Variants in USP32 observed in about 807,000 individuals in gnomAD.
USP32 encodes the protein ubiquitin carboxyl-terminal hydrolase 32.
A neutral mutation model predicts 204.8 loss-of-function variants in USP32; 59 were observed. The observed-to-expected ratio is 0.29, with a 90% CI of 0.23 to 0.36. The LOEUF is 0.36. Ranked by LOEUF, USP32 falls within the 10% of genes least tolerant of loss-of-function variation. USP32 has a pLI of 1.00. For missense variants in USP32, 1,160 were observed against 1,946.4 expected (o/e 0.60, Z 7.60); for synonymous variants, 517 against 678.4 (o/e 0.76, Z 3.70).
At chr17:60,198,850 A>G (rs2084595906) in intron 26 of USP32, among the ~76,000 whole-genome samples, 1 of 152,218 alleles carries the variant, frequency 6.6e-6, no homozygotes, top group African/African-American at 2.4e-5. Flanking sequence ...GTGGTGGCTC[A>G]CGCCTGTAAT....
At chr17:60,250,690 C>T (rs1427491633) in intron 11 of USP32, among the ~76,000 whole-genome samples, 1 of 152,004 alleles carries the variant, frequency 6.6e-6, no homozygotes, top group Non-Finnish European at 1.5e-5. Flanking sequence ...TGGTGTACAC[C>T]TGTAATCCCA....
chr17:60,181,474 T>C lies in USP32; in HGVS notation c.4398A>G (p.Val1466=). ...PELVTPQDHE[V]ALANGFLYEH... ...CATAAAGGAATCCATTGGCCAAAGCTACCTCATGGTCCTGAGGAGTGACCA... is the reference window on the plus strand; with the variant it reads ...CATAAAGGAATCCATTGGCCAAAGCCACCTCATGGTCCTGAGGAGTGACCA... The change falls in exon 32 of 34, where the codon GTA becomes GTG. Residue 1466 remains valine (V), a synonymous_variant. Coordinates refer to ENST00000300896, the MANE Select transcript of USP32 (RefSeq NM_032582.4). 1 of 1,614,028 alleles carries C rather than the reference T, an allele frequency of 6.2e-7. No individual in the cohort carries two copies. The highest frequency in any genetic ancestry group is 1.1e-5 in the South Asian group (1 of 91,076).
At chr17:60,351,125 T>TC (rs1243929582) in intron 1 of USP32, among the ~76,000 whole-genome samples, 1 of 151,790 alleles carries the variant, frequency 6.6e-6, no homozygotes, top group African/African-American at 2.4e-5. Context: ...ACCACAAAAG[T>TC]CAGGGGGGTA....
rs1322349666 is a variant in USP32, at chr17:60,298,521, TA to T, written c.292+3077del. On this transcript the variant is annotated intron_variant, in intron 3 of 33. Transcript: ENST00000300896. ...ATGTGAATACTATGTAAATAGTTGT[TA>T]TAGTGTATTGTTTCTTATTTGTATT... Among the ~76,000 whole-genome samples, 7 of 152,306 alleles carry T rather than the reference TA, an allele frequency of 4.6e-5. No homozygotes were observed. In the South Asian group the frequency reaches 1.5e-3, roughly 32 times the overall value.
At chr17:60,403,640 G>A (rs1050584432) in intron 1 of USP32, among the ~76,000 whole-genome samples, 1 of 151,814 alleles carries the variant, frequency 6.6e-6, no homozygotes. Context: ...AGTATACAAT[G>A]AGTTTATTTA....
intron 9 of USP32, 41 bp from the exon 10 acceptor site, chr17:60,255,299 T>C (rs946678455): frequency 2.0e-5 from 5 of 255,030 alleles, no homozygotes; most frequent in South Asian, 1.7e-4. Context: ...CTTTTTTTTC[T>C]TTTTTTTTTT....
chr17:60,234,275 G>A (rs990218410), intron 12 of USP32, among the ~76,000 whole-genome samples: 36 of 151,302 alleles, frequency 2.4e-4, no homozygotes, highest in African/African-American at 8.7e-4. Flanking sequence ...CACCATGCCC[G>A]GCTAATTTGT....
chr17:60,418,110 T>C (rs751896184), intron 1 of USP32, among the ~76,000 whole-genome samples: 6 of 152,046 alleles, frequency 3.9e-5, no homozygotes, highest in Non-Finnish European at 7.4e-5. Flanking sequence ...AGGCATGTGC[T>C]ACCACGCCCA....
intron 11 of USP32, among the ~76,000 whole-genome samples, chr17:60,241,030 C>A (rs1275370827): frequency 2.0e-5 from 3 of 152,162 alleles, no homozygotes; most frequent in Admixed American, 2.0e-4. Context: ...CAGAGTCTTG[C>A]TCTGTTGCCC....
chr17:60,190,818 T>G, intron 28 of USP32, 135 bp from the exon 29 acceptor site: 1 of 1,247,052 alleles, frequency 8.0e-7, no homozygotes, highest in Non-Finnish European at 1.1e-6. Flanking sequence ...GCTTCTAACT[T>G]CAGACTCTGA....
intron 2 of USP32, among the ~76,000 whole-genome samples, chr17:60,301,922 G>T (rs1053157097): frequency 2.0e-5 from 3 of 151,954 alleles, no homozygotes; most frequent in African/African-American, 7.3e-5. Context: ...ACGTACAGAT[G>T]GTCCTCAGCT....
At chr17:60,325,655 G>C (rs372216477) in intron 2 of USP32, among the ~76,000 whole-genome samples, 1 of 152,098 alleles carries the variant, frequency 6.6e-6, no homozygotes, top group East Asian at 1.9e-4. Flanking sequence ...GGCCAGGCGC[G>C]GTGGCTCACA....
intron 3 of USP32, among the ~76,000 whole-genome samples, chr17:60,300,044 T>C (rs1250841922): frequency 6.6e-6 from 1 of 152,206 alleles, no homozygotes; most frequent in Non-Finnish European, 1.5e-5. Flanking sequence ...GGTTAGGATT[T>C]CAATATATGA....
chr17:60,349,597 ATATATATATATATATATATATATAT>A (rs1229103278), intron 1 of USP32, among the ~76,000 whole-genome samples: 57 of 38,522 alleles, frequency 1.5e-3, no homozygotes, highest in African/African-American at 5.5e-3. Flanking sequence ...AAAAAAAAAA[ATATATATATATATATATATATATAT>A]ATTATATATA....
chr17:60,412,693 GC>G (rs1368334197), intron 1 of USP32, among the ~76,000 whole-genome samples: 1 of 152,086 alleles, frequency 6.6e-6, no homozygotes, highest in Non-Finnish European at 1.5e-5. Context: ...CAAATACGGT[GC>G]CCTGGAAGAA....
chr17:60,280,185 C>T (rs1302218511), intron 5 of USP32, among the ~76,000 whole-genome samples: 6 of 152,110 alleles, frequency 3.9e-5, no homozygotes, highest in Non-Finnish European at 1.5e-5. Flanking sequence ...CAACCTCCAC[C>T]TCCTGGGTTC....
Position 60,392,115 on chromosome 17 carries a change from G to A in USP32, c.-176C>T. 1.8e-6 allele frequency: 1 copy of A among 570,892 alleles called. No homozygotes were observed. The allele number at this position is 570,892 out of a possible 1,614,324, so 35.4% of individuals were successfully genotyped here. Reference sequence around the variant, plus strand: ...GCGGCTCCTCCCGGTCGCCGCCACCGCCTCCATGCCGGATCACGTGACTCT... The same window carrying A: ...GCGGCTCCTCCCGGTCGCCGCCACCACCTCCATGCCGGATCACGTGACTCT... On this transcript the variant is annotated 5_prime_UTR_variant, in exon 1 of 34. Transcript: ENST00000300896.
intron 30 of USP32, among the ~76,000 whole-genome samples, chr17:60,183,950 T>C (rs2084179935): frequency 6.6e-6 from 1 of 152,190 alleles, no homozygotes; most frequent in African/African-American, 2.4e-5. Context: ...TAAAAATCTA[T>C]GCTTTTAATT....
At chr17:60,371,208 TG>T (rs2089432801) in intron 1 of USP32, among the ~76,000 whole-genome samples, 1 of 144,156 alleles carries the variant, frequency 6.9e-6, no homozygotes, top group Admixed American at 7.2e-5. Context: ...TGAGCACCAC[TG>T]CACTTCAGCC....
Sources: allele counts gnomAD v4.1 joint callset (sites outside exome capture counted in the v4.1 genomes callset), GRCh38; gene constraint gnomAD v4.1.1; transcripts MANE v1.5; gene names NCBI Gene and HGNC (gene_info 2026-07-23, HGNC 2026-07-21).